RYR2: variants seen among roughly 807,000 people sequenced by gnomAD.
RYR2 encodes ryanodine receptor 2, also known as cardiac muscle ryanodine receptor-calcium release channel.
A neutral mutation model predicts 601.1 loss-of-function variants in RYR2; 227 were observed. The ratio of observed to expected loss-of-function variants is 0.38; its 90% CI spans 0.34 to 0.42. RYR2 has a LOEUF of 0.42. Among genes scored for constraint, RYR2 ranks in the 10% least tolerant of loss-of-function variants. The probability of loss-of-function intolerance (pLI) is 1.00; values close to 1 mark genes in which losing one functional copy is unlikely to be tolerated. For synonymous variants in RYR2, 2,223 were observed against 2,175.1 expected (o/e 1.02, Z -0.61); for missense variants, 4,646 against 6,156.5 (o/e 0.75, Z 8.21).
At chr1:237,050,800 C>T (rs894207598) in intron 1 of RYR2, among the ~76,000 whole-genome samples, 7 of 152,204 alleles carry the variant, frequency 4.6e-5, no homozygotes, top group East Asian at 1.9e-4. Flanking sequence ...TGAAGCCGAA[C>T]AGCACACTGA....
chr1:237,199,277 G>A (rs564761072), intron 1 of RYR2, among the ~76,000 whole-genome samples: 1 of 152,330 alleles, frequency 6.6e-6, no homozygotes, highest in Admixed American at 6.5e-5. Flanking sequence ...TAGGCCATCT[G>A]CAAGCTGAGG....
intron 18 of RYR2, among the ~76,000 whole-genome samples, 155 bp from the exon 19 acceptor site, chr1:237,492,799 G>A (rs1481330533): frequency 1.4e-5 from 2 of 148,048 alleles, no homozygotes; most frequent in African/African-American, 5.0e-5. Flanking sequence ...ACTTCAGCCT[G>A]GGTGACAGAG....
At chr1:237,196,746 T>C (rs1680615065) in intron 1 of RYR2, among the ~76,000 whole-genome samples, 1 of 152,174 alleles carries the variant, frequency 6.6e-6, no homozygotes. Context: ...TCCTAACTAT[T>C]CCGGGCACTT....
intron 75 of RYR2, 104 bp downstream of exon 75, chr1:237,726,412 C>A: frequency 1.3e-6 from 1 of 745,938 alleles, no homozygotes; most frequent in Non-Finnish European, 2.3e-6. Flanking sequence ...TCTTAGAGTT[C>A]CAAACACTAT....
chr1:237,236,101 CA>C (rs989477502), intron 1 of RYR2, among the ~76,000 whole-genome samples: 3 of 151,988 alleles, frequency 2.0e-5, no homozygotes, highest in African/African-American at 7.3e-5. Flanking sequence ...AGCAAAATAC[CA>C]AAAAACCTCA....
At chr1:237,149,323 A>T (rs1013304823) in intron 1 of RYR2, among the ~76,000 whole-genome samples, 4 of 152,098 alleles carry the variant, frequency 2.6e-5, no homozygotes, top group African/African-American at 9.7e-5. Context: ...AAAAACAAAA[A>T]CAAAAAACCA....
chr1:237,706,891 G>T, intron 67 of RYR2, 58 bp from the exon 68 acceptor site: 1 of 1,417,476 alleles, frequency 7.1e-7, no homozygotes, highest in East Asian at 2.3e-5. Context: ...GTGGAAATCC[G>T]CCATATCATC....
chr1:237,065,524 A>C (rs954910825), intron 1 of RYR2, among the ~76,000 whole-genome samples: 16 of 151,680 alleles, frequency 1.1e-4, no homozygotes, highest in African/African-American at 3.9e-4. Context: ...TGACATTGTG[A>C]TCCACCCACG....
At chr1:237,331,581 C>A (rs1390092955) in intron 3 of RYR2, among the ~76,000 whole-genome samples, 2 of 151,930 alleles carry the variant, frequency 1.3e-5, no homozygotes, top group Non-Finnish European at 2.9e-5. Context: ...CAGCTCACTG[C>A]AAGCTCTGCC....
chr1:237,271,934 G>A (rs1037907058), intron 2 of RYR2, among the ~76,000 whole-genome samples: 1 of 151,942 alleles, frequency 6.6e-6, no homozygotes, highest in Admixed American at 6.6e-5. Flanking sequence ...GTTCAAGACC[G>A]GTCTGGCCAA....
At chr1:237,760,803 C>T (rs1177118672) in intron 83 of RYR2, among the ~76,000 whole-genome samples, 152 bp from the exon 84 acceptor site, 1 of 91,608 alleles carries the variant, frequency 1.1e-5, no homozygotes. Flanking sequence ...TAAGAAAATA[C>T]GGTTGGTACG....
At chr1:237,706,655 A>G (rs1432972049) in intron 67 of RYR2, among the ~76,000 whole-genome samples, 4 of 152,136 alleles carry the variant, frequency 2.6e-5, no homozygotes, top group African/African-American at 9.7e-5. Context: ...CCAGTCATAA[A>G]TGGCTTGTAG....
At chr1:237,274,793 G>A (rs1010336946) in intron 2 of RYR2, among the ~76,000 whole-genome samples, 1 of 152,102 alleles carries the variant, frequency 6.6e-6, no homozygotes, top group Admixed American at 6.5e-5. Flanking sequence ...CATTTTTACT[G>A]TACTTTTTCT....
intron 2 of RYR2, among the ~76,000 whole-genome samples, chr1:237,275,966 G>T (rs1400658043): frequency 6.6e-6 from 1 of 152,012 alleles, no homozygotes; most frequent in Admixed American, 6.6e-5. Flanking sequence ...TTAAATCTTG[G>T]GTCAAAGGCA....
chr1:237,152,203 C>G (rs1228434856), intron 1 of RYR2, among the ~76,000 whole-genome samples: 1 of 152,186 alleles, frequency 6.6e-6, no homozygotes, highest in African/African-American at 2.4e-5. Flanking sequence ...TTTATGGCTG[C>G]ATAGTATTCC....
chr1:237,667,448 T>C (rs1052072416), intron 57 of RYR2, among the ~76,000 whole-genome samples: 15 of 152,328 alleles, frequency 9.8e-5, no homozygotes, highest in East Asian at 9.6e-4. Context: ...TTGGCTAGTC[T>C]AAGGTCTCTC....
At chr1:237,138,353 C>T (rs1558303572) in intron 1 of RYR2, among the ~76,000 whole-genome samples, 1 of 152,124 alleles carries the variant, frequency 6.6e-6, no homozygotes, top group Non-Finnish European at 1.5e-5. Context: ...TTAAAATGCA[C>T]CCTGAAGGTG....
At chr1:237,163,521 C>T (rs1208626782) in intron 1 of RYR2, among the ~76,000 whole-genome samples, 1 of 152,130 alleles carries the variant, frequency 6.6e-6, no homozygotes, top group African/African-American at 2.4e-5. Context: ...TGGATGCACA[C>T]ATCTGGGCGT....
At chr1:237,282,403 C>A (rs1356334064) in intron 2 of RYR2, among the ~76,000 whole-genome samples, 1 of 151,906 alleles carries the variant, frequency 6.6e-6, no homozygotes, top group Non-Finnish European at 1.5e-5. Flanking sequence ...CTTTTTCTTG[C>A]AATTTTTTTT....
Sources: allele counts gnomAD v4.1 joint callset (sites outside exome capture counted in the v4.1 genomes callset), GRCh38; gene constraint gnomAD v4.1.1; transcripts MANE v1.5; gene names NCBI Gene and HGNC (gene_info 2026-07-23, HGNC 2026-07-21).